Variants in NEGR1 observed in about 807,000 individuals in gnomAD.
NEGR1 encodes the protein IgLON family member 4.
A neutral mutation model predicts 40.9 loss-of-function variants in NEGR1; 10 were observed. The ratio of observed to expected loss-of-function variants is 0.24; its 90% CI spans 0.15 to 0.42. The LOEUF is 0.42. NEGR1 is among the 10% of genes least tolerant of loss of function. The pLI is 1.00. For synonymous variants in NEGR1, 185 were observed against 166.8 expected (o/e 1.11, Z -0.84); for missense variants, 352 against 438.9 (o/e 0.80, Z 1.77).
At chr1:71,508,392 T>C (rs1314285771) in intron 6 of NEGR1, among the ~76,000 whole-genome samples, 1 of 152,126 alleles carries the variant, frequency 6.6e-6, no homozygotes, top group African/African-American at 2.4e-5. Flanking sequence ...AAGTTAACTT[T>C]GAGAAAAATC....
rs1274997742 is a variant in NEGR1 at position 71,401,661 on chromosome 1, A to AT, written c.*5784dup. 1 of 152,212 alleles carries AT rather than the reference A, an allele frequency of 6.6e-6. No individual in the cohort carries two copies. The highest frequency in any genetic ancestry group is 2.4e-5 in the African/African-American group (1 of 41,452). The allele number at this position is 152,212 out of a possible 1,614,324, so 9.4% of individuals were successfully genotyped here. A position where few individuals can be genotyped will look rare whatever the true frequency, so the allele number is the denominator to read the frequency against. On this transcript the variant is annotated 3_prime_UTR_variant, in exon 7 of 7. Coordinates refer to ENST00000357731, the MANE Select transcript of NEGR1 (RefSeq NM_173808.3). ...ACTCAGATTAAAATCAGTATTGTGA[A>AT]TTTTTTTAAAAGTGTGTATGTATTC...
intron 1 of NEGR1, among the ~76,000 whole-genome samples, chr1:72,070,978 C>A (rs561332977): frequency 6.6e-6 from 1 of 151,998 alleles, no homozygotes; most frequent in East Asian, 1.9e-4. Context: ...GACCTAAAGC[C>A]CAATCTCTGT....
intron 1 of NEGR1, among the ~76,000 whole-genome samples, chr1:72,174,685 T>G (rs1475268062): frequency 6.6e-6 from 1 of 152,092 alleles, no homozygotes; most frequent in Non-Finnish European, 1.5e-5. Context: ...CATTACTCTT[T>G]CCAAATAATG....
intron 6 of NEGR1, among the ~76,000 whole-genome samples, chr1:71,558,191 CTCAGTA>C (rs997486320): frequency 2.0e-5 from 3 of 151,494 alleles, no homozygotes; most frequent in Admixed American, 1.3e-4. Flanking sequence ...CCATACTCTA[CTCAGTA>C]TCAGTATCTA....
At chr1:71,638,909 T>C (rs1186324978) in intron 4 of NEGR1, among the ~76,000 whole-genome samples, 1 of 151,812 alleles carries the variant, frequency 6.6e-6, no homozygotes, top group Non-Finnish European at 1.5e-5. Context: ...GTCTTAGTAC[T>C]GAGAGAAAAA....
intron 1 of NEGR1, among the ~76,000 whole-genome samples, chr1:72,088,037 A>C (rs1217355315): frequency 6.6e-6 from 1 of 152,318 alleles, no homozygotes; most frequent in East Asian, 1.9e-4. Context: ...GTGAGGTATA[A>C]ATCTAAAAAG....
In NEGR1 at chr1:71,776,313, A is replaced by G. The variant is rs1656505583; in HGVS notation, c.410-16T>C. 1 of 1,514,962 alleles carries G rather than the reference A, an allele frequency of 6.6e-7. No individual in the cohort carries two copies. Among genetic ancestry groups the G allele is most frequent in the Non-Finnish European group, 9.0e-7 (1 of 1,117,024 alleles). The allele number at this position is 1,514,962 out of a possible 1,614,324, so 93.8% of individuals were successfully genotyped here. A position where few individuals can be genotyped will look rare whatever the true frequency, so the allele number is the denominator to read the frequency against. On this transcript the variant is annotated splice_polypyrimidine_tract_variant and intron_variant, in intron 2 of 6. Transcript: ENST00000357731. ...TTAGGAGGAACTGAAATGACAAAATACGCAGTGATTAGAAAAAAATATATA... is the reference window on the plus strand; with the variant it reads ...TTAGGAGGAACTGAAATGACAAAATGCGCAGTGATTAGAAAAAAATATATA...
intron 3 of NEGR1, among the ~76,000 whole-genome samples, chr1:71,754,916 T>C (rs1048114091): frequency 1.3e-5 from 2 of 152,204 alleles, no homozygotes; most frequent in African/African-American, 4.8e-5. Context: ...CTTCAGATAC[T>C]GGCCTTGGGC....
chr1:71,407,578 G>A lies in NEGR1; in HGVS notation c.941-8C>T, dbSNP rs1646286051. 1 of 1,610,638 alleles carries A rather than the reference G, an allele frequency of 6.2e-7. No individual in the cohort carries two copies. The highest frequency in any genetic ancestry group is 8.5e-7 in the Non-Finnish European group (1 of 1,177,954). On this transcript the variant is annotated splice_polypyrimidine_tract_variant and splice_region_variant and intron_variant, in intron 6 of 6. Coordinates refer to ENST00000357731, the MANE Select transcript of NEGR1 (RefSeq NM_173808.3). ...ACTGGGCTGTACTTGGAGCTGGAAA[G>A]AAATGGAAAAGATTAAATCAAAATC...
intron 1 of NEGR1, among the ~76,000 whole-genome samples, chr1:72,148,806 G>A (rs1651009888): frequency 6.6e-6 from 1 of 152,106 alleles, no homozygotes; most frequent in Admixed American, 6.6e-5. Flanking sequence ...AGCTCCATCT[G>A]AGACCACCTC....
intron 1 of NEGR1, among the ~76,000 whole-genome samples, chr1:71,944,798 A>G (rs1646002194): frequency 6.6e-6 from 1 of 152,096 alleles, no homozygotes; most frequent in Admixed American, 6.5e-5. Flanking sequence ...TCTGAACACA[A>G]ATTTTGTTTT....
chr1:71,435,068 G>A (rs1646499003), intron 6 of NEGR1, among the ~76,000 whole-genome samples: 1 of 151,154 alleles, frequency 6.6e-6, no homozygotes. Context: ...TCCAGCCTGG[G>A]CGACAGAGCC....
intron 1 of NEGR1, among the ~76,000 whole-genome samples, chr1:72,025,887 G>A (rs1388411842): frequency 6.6e-6 from 1 of 151,526 alleles, no homozygotes; most frequent in East Asian, 1.9e-4. Context: ...CGAGGCGGGC[G>A]GATCACGAGG....
At chr1:71,630,885 T>A (rs926795950) in intron 4 of NEGR1, among the ~76,000 whole-genome samples, 1 of 151,934 alleles carries the variant, frequency 6.6e-6, no homozygotes, top group African/African-American at 2.4e-5. Flanking sequence ...GGGACTTTCA[T>A]GCATATTAGT....
chr1:71,474,358 CTA>C (rs573391060), intron 6 of NEGR1, among the ~76,000 whole-genome samples: 153 of 146,664 alleles, frequency 1.0e-3, no homozygotes, highest in Non-Finnish European at 2.0e-3. Flanking sequence ...AAGACTGTGT[CTA>C]TGTGTGACAA....
At chr1:72,031,896 T>A (rs1646861958) in intron 1 of NEGR1, among the ~76,000 whole-genome samples, 3 of 152,168 alleles carry the variant, frequency 2.0e-5, no homozygotes, top group Non-Finnish European at 2.9e-5. Flanking sequence ...GGTGCTTTAT[T>A]TGTGGAATAT....
At chr1:72,074,039 T>G (rs1232479350) in intron 1 of NEGR1, among the ~76,000 whole-genome samples, 2 of 152,148 alleles carry the variant, frequency 1.3e-5, no homozygotes, top group Admixed American at 1.3e-4. Context: ...TATGATACGC[T>G]ATTTCATATT....
In NEGR1 at chr1:71,630,541, C is replaced by T. The variant is rs182912721; in HGVS notation, c.668-19395G>A. On this transcript the variant is annotated intron_variant, in intron 4 of 6. Transcript: ENST00000357731. ...CTCTCCAATGTGTTCTGCTGTGTGC[C>T]CCATAAAATAATGGTCCATTATGGT... Among the ~76,000 whole-genome samples, 16 of 151,942 alleles carry T rather than the reference C, an allele frequency of 1.1e-4. No homozygotes were observed. In the East Asian group the frequency reaches 2.7e-3, roughly 26 times the overall value.
chr1:71,855,623 G>A (rs577200678), intron 2 of NEGR1, among the ~76,000 whole-genome samples: 61 of 151,578 alleles, frequency 4.0e-4, no homozygotes, highest in Middle Eastern at 3.5e-3. Flanking sequence ...TTATCCTTAC[G>A]GTACAGTAAC....
Sources: gnomAD v4.1 joint callset for allele counts (sites outside exome capture counted in the v4.1 genomes callset) on GRCh38, gnomAD v4.1.1 for gene constraint, MANE v1.5 for transcripts, NCBI Gene and HGNC (gene_info 2026-07-23, HGNC 2026-07-21) for gene names.